Variants in TUBB6 observed in about 807,000 individuals in gnomAD.
TUBB6 encodes the protein tubulin beta-6 chain.
Under a neutral mutation model 32.3 loss-of-function variants are expected in TUBB6, and 18 were observed. That is an observed-to-expected ratio of 0.56 (90% confidence interval 0.39 to 0.83). The LOEUF (loss-of-function observed/expected upper bound fraction) is 0.83, where lower values mean the gene tolerates loss of function less well. Among genes scored for constraint, TUBB6 ranks in the 40% least tolerant of loss-of-function variants. The pLI is 0.00. For synonymous variants in TUBB6, 280 were observed against 265.8 expected (o/e 1.05, Z -0.52); for missense variants, 480 against 632.0 (o/e 0.76, Z 2.58).
chr18:12,318,486 C>T (rs902605530), intron 3 of TUBB6, among the ~76,000 whole-genome samples: 1 of 151,284 alleles, frequency 6.6e-6, no homozygotes, highest in African/African-American at 2.4e-5. Flanking sequence ...GCCAGGCCCA[C>T]GGGGTGTGCT....
chr18:12,309,971 C>T (rs75136340), intron 2 of TUBB6, among the ~76,000 whole-genome samples: 6 of 46,726 alleles, frequency 1.3e-4, no homozygotes, highest in African/African-American at 2.9e-4. Context: ...CCAAACCTGG[C>T]AATTTGCTGT....
At position 12,308,250 on chromosome 18, in the gene TUBB6, T is replaced by C. The variant is rs368192709; in HGVS notation, c.-43T>C. The C allele has an allele frequency of 9.3e-4, 1,272 of 1,371,960 alleles. 11 individuals are homozygous for C. The African/African-American group carries it at 0.016, about 17-fold the overall frequency. 85.0% of individuals were successfully genotyped at this position (1,371,960 alleles called of 1,614,324 possible). A position where few individuals can be genotyped will look rare whatever the true frequency, so the allele number is the denominator to read the frequency against. On this transcript the variant is annotated 5_prime_UTR_variant, in exon 1 of 4. Transcript: ENST00000317702. ...CGCGCAGCCGGCCCGCAGTTGCCGC[T>C]GTCGTCCGCAGAGCCAGTTCCTAGC...
At position 12,308,364 on chromosome 18, in the gene TUBB6, G is replaced by A; in HGVS notation, c.57+15G>A. On this transcript the variant is annotated intron_variant, in intron 1 of 3. Transcript: ENST00000317702. Reference sequence around the variant, plus strand: ...TCGGCACCAAGGTGGGCCTGGCGCGGTGCAGGGCCTCTCCGCGGGTCGGCT... The same window carrying A: ...TCGGCACCAAGGTGGGCCTGGCGCGATGCAGGGCCTCTCCGCGGGTCGGCT... The A allele has an allele frequency of 2.1e-6, 3 of 1,424,052 alleles. No homozygotes were observed. 88.2% of individuals were successfully genotyped at this position (1,424,052 alleles called of 1,614,324 possible). A position where few individuals can be genotyped will look rare whatever the true frequency, so the allele number is the denominator to read the frequency against.
intron 3 of TUBB6, among the ~76,000 whole-genome samples, chr18:12,313,140 C>T (rs1036442664): frequency 1.3e-5 from 1 of 75,154 alleles, no homozygotes; most frequent in African/African-American, 3.4e-5. Flanking sequence ...ACATTACACT[C>T]CCTGGTGAAA....
chr18:12,321,008 G>T (rs574552171), intron 3 of TUBB6, among the ~76,000 whole-genome samples: 1 of 152,304 alleles, frequency 6.6e-6, no homozygotes. Flanking sequence ...CAGTTTCACA[G>T]CAGAAAAATA....
rs567997655 is a variant in TUBB6 at position 12,326,312 on chromosome 18, T to C, written c.*182T>C. The stretch of plus-strand genomic sequence containing the variant: ...AACAAAGACTAAAAACAGCAGAGAA[T>C]TGCGGGTTCTACCCAGTCAGAAGAT... On this transcript the variant is annotated 3_prime_UTR_variant, in exon 4 of 4. Coordinates refer to ENST00000317702, the MANE Select transcript of TUBB6 (RefSeq NM_032525.3). The C allele has an allele frequency of 2.5e-5, 23 of 936,770 alleles. No homozygotes were observed. The highest frequency in any genetic ancestry group is 1.2e-4 in the African/African-American group (7 of 60,136). 58.0% of individuals were successfully genotyped at this position (936,770 alleles called of 1,614,324 possible).
intron 2 of TUBB6, among the ~76,000 whole-genome samples, chr18:12,309,932 G>T (rs1280106691): frequency 6.6e-6 from 1 of 152,190 alleles, no homozygotes; most frequent in Non-Finnish European, 1.5e-5. Flanking sequence ...GTATGCATGG[G>T]GGAGGTGTCA....
intron 1 of TUBB6, 113 bp downstream of exon 1, chr18:12,308,462 G>A: frequency 5.2e-6 from 5 of 963,306 alleles, no homozygotes; most frequent in Non-Finnish European, 6.9e-6. Context: ...TGGGTCCTCG[G>A]AGCCCGGTGC....
intron 3 of TUBB6, among the ~76,000 whole-genome samples, chr18:12,315,956 T>C (rs1906651406): frequency 6.6e-6 from 1 of 152,252 alleles, no homozygotes; most frequent in Middle Eastern, 3.2e-3. Flanking sequence ...AAAAAAAAGA[T>C]ATCAGTTGTC....
intron 3 of TUBB6, among the ~76,000 whole-genome samples, chr18:12,318,515 T>A (rs914627116): frequency 6.6e-6 from 1 of 151,670 alleles, no homozygotes; most frequent in Admixed American, 6.6e-5. Flanking sequence ...ACAGCAGGCA[T>A]CTGCCTAGCC....
chr18:12,324,327 G>A (rs377325048), intron 3 of TUBB6, among the ~76,000 whole-genome samples: 251 of 152,004 alleles, frequency 1.7e-3, no homozygotes, highest in African/African-American at 5.0e-3. Context: ...CCGAGATTGC[G>A]CCACTGCACT....
intron 3 of TUBB6, among the ~76,000 whole-genome samples, chr18:12,316,494 T>C (rs4797673): frequency 0.79 from 119,874 of 152,178 alleles, 48,508 homozygotes; most frequent in Non-Finnish European, 0.88. Flanking sequence ...CAACCCTATT[T>C]TTGATTCAGA....
chr18:12,309,591 A>C (rs1318521641), intron 2 of TUBB6, among the ~76,000 whole-genome samples: 2 of 152,108 alleles, frequency 1.3e-5, no homozygotes, highest in Non-Finnish European at 2.9e-5. Flanking sequence ...AGCAATGACA[A>C]AAGGCTGGGA....
At chr18:12,327,258 C>T (rs113042891), downstream of TUBB6, among the ~76,000 whole-genome samples, 93 of 152,322 alleles carry the variant, frequency 6.1e-4, no homozygotes, top group African/African-American at 2.0e-3. Flanking sequence ...CCCTCCTGTC[C>T]ACCCGTCCAG....
At chr18:12,309,441 A>T (rs1194228934) in intron 2 of TUBB6, among the ~76,000 whole-genome samples, 6 of 122,222 alleles carry the variant, frequency 4.9e-5, no homozygotes, top group African/African-American at 1.9e-4. Flanking sequence ...CTTATTGGGG[A>T]TTCTTGGCTA....
downstream of TUBB6, among the ~76,000 whole-genome samples, chr18:12,327,838 C>T (rs947050922): frequency 1.3e-5 from 2 of 152,210 alleles, no homozygotes. Flanking sequence ...TCTCGTCCCC[C>T]GGGAGGTCTC....
rs183170255 is a variant in TUBB6, at chr18:12,309,410, C to A, written c.166+615C>A. 8.1e-4 allele frequency among the ~76,000 whole-genome samples: 113 copies of A among 139,136 alleles called. 4 individuals carry two copies. The highest frequency in any genetic ancestry group is 7.3e-3 in the Admixed American group (103 of 14,024). The allele number at this position is 139,136 out of a possible 152,430, so 91.3% of individuals were successfully genotyped here. On this transcript the variant is annotated intron_variant, in intron 2 of 3. Transcript: ENST00000317702. ...GAAAAACAAAGCTTCCCCCCCCCCC[C>A]CCCCAGTTTAAAACGTATCTCTTAT... is the stretch of plus-strand genomic sequence containing the variant.
At position 12,308,318 on chromosome 18, in the gene TUBB6, C is replaced by A; in HGVS notation, c.26C>A (p.Ala9Glu). Residue 9 changes from alanine (A) to glutamate (E), a missense_variant, in exon 1 of 4, where the codon GCG becomes GAG. Physicochemically the swap from Ala to Glu is moderately radical, Grantham distance 107 (BLOSUM62 -1). Coordinates refer to ENST00000317702, the MANE Select transcript of TUBB6 (RefSeq NM_032525.3). ...ATGAGGGAGATCGTGCACATCCAGG[C>A]GGGCCAGTGCGGGAACCAGATCGGC... MREIVHIQ[A>E]GQCGNQIGTK... The A allele has an allele frequency of 1.4e-6, 2 of 1,481,452 alleles. No homozygotes were observed. Among genetic ancestry groups the A allele is most frequent in the Non-Finnish European group, 1.8e-6 (2 of 1,111,460 alleles). The allele number at this position is 1,481,452 out of a possible 1,614,324, so 91.8% of individuals were successfully genotyped here.
chr18:12,318,242 G>C (rs778634345), intron 3 of TUBB6, among the ~76,000 whole-genome samples: 1 of 151,560 alleles, frequency 6.6e-6, no homozygotes, highest in Non-Finnish European at 1.5e-5. Context: ...GTTTTGCCAG[G>C]TGCTGCCTGC....
Sources: allele counts gnomAD v4.1 joint callset (sites outside exome capture counted in the v4.1 genomes callset), GRCh38; gene constraint gnomAD v4.1.1; transcripts MANE v1.5; gene names NCBI Gene and HGNC (gene_info 2026-07-23, HGNC 2026-07-21).